Variants in USHBP1 observed in about 807,000 individuals in gnomAD.
The protein encoded by USHBP1 is USH1 protein network component harmonin binding protein 1.
USHBP1 carries 67 observed loss-of-function variants against 76.2 expected under a neutral mutation model. The observed-to-expected ratio is 0.88, with a 90% confidence interval of 0.72 to 1.08. The LOEUF is 1.08. Among genes scored for constraint, USHBP1 ranks in the 50% least tolerant of loss-of-function variants. The pLI, the probability that USHBP1 is intolerant of heterozygous loss-of-function variation, is 0.00. For synonymous variants in USHBP1, 322 were observed against 362.2 expected, an observed-to-expected ratio of 0.89 and a Z score of 1.26; for missense variants, 931 against 915.0, an observed-to-expected ratio of 1.02 and a Z score of -0.23.
chr19:17,258,573 G>A, intron 7 of USHBP1, 188 bp from the exon 8 acceptor site: 1 of 572,756 alleles, frequency 1.7e-6, no homozygotes, highest in Non-Finnish European at 3.0e-6. Flanking sequence ...GCAAGGTGTG[G>A]TGGTACGCAC....
chr19:17,258,801 C>T (rs1002919820), intron 7 of USHBP1: 1 of 266,354 alleles, frequency 3.8e-6, no homozygotes, highest in African/African-American at 2.3e-5. Context: ...CTCCTGAACC[C>T]CTCTTCTCCC....
At chr19:17,263,832 C>CTGCA in intron 3 of USHBP1, 170 bp downstream of exon 3, 1 of 901,524 alleles carries the variant, frequency 1.1e-6, no homozygotes, top group East Asian at 2.8e-5. Context: ...TGCCACTGCA[C>CTGCA]TGCACTACAG....
At chr19:17,263,848 G>T in intron 3 of USHBP1, 154 bp downstream of exon 3, 2 of 1,064,504 alleles carry the variant, frequency 1.9e-6, no homozygotes, top group Non-Finnish European at 2.6e-6. Context: ...TACAGCCTGG[G>T]TGACACAGCA....
Position 17,264,437 on chromosome 19 carries a change from C to T in USHBP1, c.-48-90G>A, listed in dbSNP as rs2073729095. 6 of 1,039,542 alleles carry T rather than the reference C, an allele frequency of 5.8e-6. No homozygotes were observed. In the East Asian group the frequency reaches 1.6e-4, roughly 27 times the overall value. 64.4% of individuals were successfully genotyped at this position (1,039,542 alleles called of 1,614,324 possible). ...CCTCTGCTGTGAAATGGGGCACTGA[C>T]TACCCCTCAGGAAGGGATTTTGTTA... On this transcript the variant is annotated intron_variant, in intron 1 of 12. Coordinates refer to ENST00000252597, the MANE Select transcript of USHBP1 (RefSeq NM_031941.4).
Position 17,255,399 on chromosome 19 carries a change from C to G in USHBP1, c.1678G>C (p.Glu560Gln), listed in dbSNP as rs1455292405. 6.2e-7 allele frequency: 1 copy of G among 1,613,988 alleles called. No homozygotes were observed. Among genetic ancestry groups the G allele is most frequent in the Non-Finnish European group, 8.5e-7 (1 of 1,179,896 alleles). Residue 560 changes from glutamate to glutamine, a missense_variant, in exon 10 of 13, where the codon GAA (glutamate) becomes CAA (glutamine). Physicochemically the swap from Glu to Gln is conservative, Grantham distance 29. Coordinates refer to ENST00000252597, the MANE Select transcript of USHBP1 (RefSeq NM_031941.4). The part of the protein sequence containing the change: ...SSGGGSSGDE[E>Q]EWYQGLPAVP... ...GGGCAGCTCACCTGATACCACTCTT[C>G]CTCGTCCCCGCTGCTGCCACCTCCG...
In USHBP1 at chr19:17,264,132, C is replaced by G. The variant is rs1317913310; in HGVS notation, c.73G>C (p.Ala25Pro). 6.2e-7 allele frequency: 1 copy of G among 1,613,726 alleles called. No individual in the cohort carries two copies. ...HAPPGELDPV[A>P]ESSEEVEAAS... ...GCCTCGACCTCCTCTGAACTCTCAG[C>G]CACGGGATCCAGTTCACCCTGCAAA... The change falls in exon 3 of 13, where the codon GCT becomes CCT. Residue 25 changes from alanine (A) to proline (P), a missense_variant. Coordinates refer to ENST00000252597, the MANE Select transcript of USHBP1 (RefSeq NM_031941.4).
chr19:17,257,037 T>C (rs1426607806), intron 8 of USHBP1, among the ~76,000 whole-genome samples: 1 of 150,602 alleles, frequency 6.6e-6, no homozygotes, highest in African/African-American at 2.4e-5. Context: ...TTTTTTTTTT[T>C]TGAGACGCAG....
In USHBP1 at chr19:17,251,745, G is replaced by C. The variant is rs78864032; in HGVS notation, c.1800-41C>G. On this transcript the variant is annotated intron_variant, in intron 11 of 12. Transcript: ENST00000252597. Reference sequence around the variant, plus strand: ...AGAGAGGGGGCTCACAGCCCCAGCCGATCCTGTTTCCCAGGTCTCCTCCTA... The same window carrying C: ...AGAGAGGGGGCTCACAGCCCCAGCCCATCCTGTTTCCCAGGTCTCCTCCTA... 2.1e-3 allele frequency: 3,451 copies of C among 1,608,058 alleles called. 7 individuals carry two copies. The highest frequency in any genetic ancestry group is 2.4e-3 in the Non-Finnish European group (2,834 of 1,179,794).
Position 17,258,329 on chromosome 19 carries a change from C to T in USHBP1, c.1103G>A (p.Gly368Glu). The T allele has an allele frequency of 1.2e-6, 2 of 1,614,096 alleles. No individual in the cohort carries two copies. Among genetic ancestry groups the T allele is most frequent in the Non-Finnish European group, 1.7e-6 (2 of 1,180,026 alleles). Reference protein sequence around the residue: ...VLLALREADSGAGDEAPMSDL... With the variant: ...VLLALREADSEAGDEAPMSDL... ...ACTCATGGGGGCTTCGTCTCCTGCT[C>T]CTGAGTCGGCCTCCCGCAGAGCAAG... Residue 368 changes from glycine (G) to glutamate (E), a missense_variant, in exon 8 of 13, where the codon GGA becomes GAA. Coordinates refer to ENST00000252597, the MANE Select transcript of USHBP1 (RefSeq NM_031941.4).
rs528652499 is a variant in USHBP1 at position 17,253,316 on chromosome 19, C to T, written c.1693-1299G>A. On this transcript the variant is annotated intron_variant, in intron 10 of 12. Transcript: ENST00000252597. The stretch of plus-strand genomic sequence containing the variant: ...TTTTTTTCTTTTTTTTTTTTTGAGA[C>T]GGAGTCTCGTCGCCCAGGCTGGAGT... 2.0e-3 allele frequency among the ~76,000 whole-genome samples: 117 copies of T among 58,822 alleles called. 1 individual carries two copies. In the South Asian group the frequency reaches 0.022, roughly 11 times the overall value. 38.6% of individuals were successfully genotyped at this position (58,822 alleles called of 152,430 possible).
rs1376170513 is a variant in USHBP1, at chr19:17,262,612, C to T, written c.582G>A (p.Leu194=). The change falls in exon 4 of 13, where the codon CTG becomes CTA. Residue 194 remains leucine, a synonymous_variant. Transcript: ENST00000252597. ...CCTCCAGGGAGGCCTGCGTGCGGAC[C>T]AGCTCATCCTCTCGGCTACTCAGGG... ...RLALSSREDE[L]VRTQASLEAI... 3 of 1,613,802 alleles carry T rather than the reference C, an allele frequency of 1.9e-6. No individual in the cohort carries two copies. Among genetic ancestry groups the T allele is most frequent in the Non-Finnish European group, 2.5e-6 (3 of 1,179,984 alleles).
chr19:17,257,985 ATCT>A (rs2073640764), intron 8 of USHBP1, among the ~76,000 whole-genome samples: 1 of 152,140 alleles, frequency 6.6e-6, no homozygotes, highest in South Asian at 2.1e-4. Flanking sequence ...ATTGTCATTC[ATCT>A]TCATGCCAAC....
At chr19:17,258,587 T>C in intron 7 of USHBP1, 2 of 519,768 alleles carry the variant, frequency 3.8e-6, no homozygotes, top group South Asian at 4.2e-5. Context: ...TACGCACCTG[T>C]AGTTCCAGCT....
At chr19:17,250,455 G>C in intron 12 of USHBP1, 41 bp from the exon 13 acceptor site, 2 of 1,593,006 alleles carry the variant, frequency 1.3e-6, no homozygotes, top group Non-Finnish European at 1.7e-6. Context: ...CAGCCCCCGA[G>C]TCCACCCAAG....
rs534613234 is a variant in USHBP1, at chr19:17,253,159, A to G, written c.1693-1142T>C. On this transcript the variant is annotated intron_variant, in intron 10 of 12. Transcript: ENST00000252597. The stretch of plus-strand genomic sequence containing the variant: ...AATTTTTTGTATTTTTAGTAGAGAC[A>G]GGGTTTCACCGTGTTAGCGAGGATG... Among the ~76,000 whole-genome samples the G allele has an allele frequency of 2.9e-3, 448 of 151,988 alleles. 1 individual carries two copies. Among genetic ancestry groups the G allele is most frequent in the African/African-American group, 9.8e-3 (406 of 41,480 alleles).
Position 17,264,697 on chromosome 19 carries a change from A to T in USHBP1, c.-75T>A, listed in dbSNP as rs2073731851. The T allele has an allele frequency of 4.6e-6, 1 of 218,538 alleles. No homozygotes were observed. Among genetic ancestry groups the T allele is most frequent in the Admixed American group, 5.2e-5 (1 of 19,068 alleles). 13.5% of individuals were successfully genotyped at this position (218,538 alleles called of 1,614,324 possible). On this transcript the variant is annotated 5_prime_UTR_variant, in exon 1 of 13. Coordinates refer to ENST00000252597, the MANE Select transcript of USHBP1 (RefSeq NM_031941.4). ...TCTCTGATCCTCTGGGGGTAACTTG[A>T]TCAGAGGCCTGAGTCCCGGGACACT...
rs1455939365 is a variant in USHBP1, at chr19:17,260,037, G to A, written c.643-15C>T. 2 of 1,609,360 alleles carry A rather than the reference G, an allele frequency of 1.2e-6. No individual in the cohort carries two copies. Among genetic ancestry groups the A allele is most frequent in the Non-Finnish European group, 1.7e-6 (2 of 1,176,718 alleles). ...AGCTCTTGAACCTGGGAAAGATGAG[G>A]GGGACGTCAGGCCTAGGGGCTCAAA... On this transcript the variant is annotated splice_polypyrimidine_tract_variant and intron_variant, in intron 4 of 12. Transcript: ENST00000252597.
At chr19:17,251,491 A>G in intron 12 of USHBP1, 91 bp downstream of exon 12, 2 of 1,546,948 alleles carry the variant, frequency 1.3e-6, no homozygotes, top group Non-Finnish European at 1.8e-6. Flanking sequence ...GGCAGTGGGG[A>G]ATGCTAAGGC....
chr19:17,253,073 A>G (rs905219517), intron 10 of USHBP1, among the ~76,000 whole-genome samples: 2 of 151,032 alleles, frequency 1.3e-5, no homozygotes, highest in African/African-American at 2.4e-5. Context: ...GGTTCACGCC[A>G]TTCTCCTGCC....
Sources: gnomAD v4.1 joint callset for allele counts (sites outside exome capture counted in the v4.1 genomes callset) on GRCh38, gnomAD v4.1.1 for gene constraint, MANE v1.5 for transcripts, NCBI Gene and HGNC (gene_info 2026-07-23, HGNC 2026-07-21) for gene names.